Variants in RBFOX1 observed in about 807,000 individuals in gnomAD.
The protein encoded by RBFOX1 is RNA binding fox-1 homolog 1, also known as RNA binding protein fox-1 homolog 1.
RBFOX1 carries 8 observed loss-of-function variants against 57.7 expected under a neutral mutation model. The ratio of observed to expected loss-of-function variants is 0.14; its 90% CI spans 0.08 to 0.25. The LOEUF is 0.25. RBFOX1 is among the 10% of genes least tolerant of loss of function. The pLI is 1.00. For missense variants in RBFOX1, 611 were observed against 548.5 expected (o/e 1.11, Z -1.14); for synonymous variants, 326 against 222.4 (o/e 1.47, Z -4.15).
chr16:5,381,073 A>G (rs752617040), intron 1 of RBFOX1, among the ~76,000 whole-genome samples: 1 of 152,198 alleles, frequency 6.6e-6, no homozygotes, highest in South Asian at 2.1e-4. Context: ...CATTTACACC[A>G]TAGTGTGAAA....
rs544681193 is a variant in RBFOX1, at chr16:5,651,155, C to T, written c.318+52194C>T. Among the ~76,000 whole-genome samples the T allele has an allele frequency of 2.3e-4, 33 of 143,694 alleles. No homozygotes were observed. In the South Asian group the frequency reaches 4.3e-3, roughly 19 times the overall value. The allele number at this position is 143,694 out of a possible 152,430, so 94.3% of individuals were successfully genotyped here. On this transcript the variant is annotated intron_variant, in intron 3 of 19. Coordinates refer to the RBFOX1 transcript ENST00000641259. ...GCAACCTCTGCCTCCTGGGTTCAAGCGATTCTCCTGCTTCAGCCTCCTGAG... is the reference window on the plus strand; with the variant it reads ...GCAACCTCTGCCTCCTGGGTTCAAGTGATTCTCCTGCTTCAGCCTCCTGAG...
intron 2 of RBFOX1, among the ~76,000 whole-genome samples, chr16:6,363,648 C>G (rs1198686405): frequency 6.6e-6 from 1 of 152,152 alleles, no homozygotes; most frequent in Admixed American, 6.5e-5. Context: ...AGACTAAATA[C>G]CATTTTTTAA....
chr16:7,438,071 G>C (rs1484162683), intron 4 of RBFOX1, among the ~76,000 whole-genome samples: 2 of 152,146 alleles, frequency 1.3e-5, no homozygotes, highest in Non-Finnish European at 2.9e-5. Flanking sequence ...ATAGTTCTGA[G>C]ATGGGACTTG....
chr16:5,829,333 C>A (rs1213242335), intron 3 of RBFOX1, among the ~76,000 whole-genome samples: 2 of 152,096 alleles, frequency 1.3e-5, no homozygotes, highest in African/African-American at 4.8e-5. Flanking sequence ...ATGAGCTATG[C>A]ATTTTGAAAA....
intron 3 of RBFOX1, among the ~76,000 whole-genome samples, chr16:7,006,355 A>C (rs753284618): frequency 1.3e-5 from 2 of 152,056 alleles, no homozygotes; most frequent in Non-Finnish European, 1.5e-5. Context: ...GGGTTTTATC[A>C]TGTTGGCCAG....
chr16:7,645,735 T>A (rs1475480885), intron 11 of RBFOX1, among the ~76,000 whole-genome samples: 1 of 152,210 alleles, frequency 6.6e-6, no homozygotes, highest in Non-Finnish European at 1.5e-5. Context: ...TAGAAGAAAC[T>A]GTTTGTCCAA....
intron 3 of RBFOX1, among the ~76,000 whole-genome samples, chr16:6,863,873 T>G (rs1231318211): frequency 6.6e-6 from 1 of 151,736 alleles, no homozygotes; most frequent in Non-Finnish European, 1.5e-5. Flanking sequence ...TTACTGGTAT[T>G]TTGAATGTTT....
chr16:6,626,753 C>G (rs1032155026), intron 2 of RBFOX1, among the ~76,000 whole-genome samples: 1 of 150,976 alleles, frequency 6.6e-6, no homozygotes, highest in Non-Finnish European at 1.5e-5. Context: ...GAGTGAGACT[C>G]CATCTTAATA....
intron 2 of RBFOX1, among the ~76,000 whole-genome samples, chr16:6,478,427 ATAT>A (rs1358119331): frequency 4.7e-4 from 6 of 12,716 alleles, no homozygotes; most frequent in Admixed American, 1.5e-3. Context: ...ATATATATAT[ATAT>A]TTTTTTTTTT....
At chr16:7,108,069 G>T (rs1210039288) in intron 4 of RBFOX1, among the ~76,000 whole-genome samples, 2 of 152,152 alleles carry the variant, frequency 1.3e-5, no homozygotes, top group Non-Finnish European at 2.9e-5. Flanking sequence ...CAAAGATGCT[G>T]CTTCATCGTT....
intron 3 of RBFOX1, among the ~76,000 whole-genome samples, chr16:6,859,119 A>ATATGTATATATATATATG (rs1555536657): frequency 1.2e-5 from 1 of 82,212 alleles, no homozygotes; most frequent in Non-Finnish European, 2.0e-5. Context: ...GTGTATATAT[A>ATATGTATATATATATATG]TATATATATA....
At chr16:5,640,189 C>A (rs868767717) in intron 3 of RBFOX1, among the ~76,000 whole-genome samples, 7 of 152,150 alleles carry the variant, frequency 4.6e-5, no homozygotes, top group Non-Finnish European at 8.8e-5. Flanking sequence ...GACAGCATTG[C>A]TCTCTGGAGG....
chr16:6,204,644 A>G (rs1048834256), intron 1 of RBFOX1, among the ~76,000 whole-genome samples: 1 of 152,190 alleles, frequency 6.6e-6, no homozygotes, highest in Admixed American at 6.5e-5. Flanking sequence ...GCACATATAC[A>G]GTGTCCTTAA....
At chr16:7,389,515 A>G (rs925138892) in intron 4 of RBFOX1, among the ~76,000 whole-genome samples, 6 of 152,198 alleles carry the variant, frequency 3.9e-5, no homozygotes, top group African/African-American at 1.4e-4. Flanking sequence ...TCCAGGACCA[A>G]AGATATCATT....
intron 3 of RBFOX1, among the ~76,000 whole-genome samples, chr16:6,859,847 T>C (rs1482216608): frequency 6.6e-6 from 1 of 152,196 alleles, no homozygotes; most frequent in African/African-American, 2.4e-5. Flanking sequence ...ATCACACTTT[T>C]GAGTATTCAG....
chr16:6,459,984 C>CAAAAAAAAAAAAAAAAAAAAAAA (rs149424076), intron 2 of RBFOX1, among the ~76,000 whole-genome samples: 4 of 47,684 alleles, frequency 8.4e-5, no homozygotes, highest in Non-Finnish European at 1.2e-4. Flanking sequence ...AACTCCATCT[C>CAAAAAAAAAAAAAAAAAAAAAAA]AAAAAAAAAA....
chr16:7,153,544 G>A (rs1195953079), intron 4 of RBFOX1, among the ~76,000 whole-genome samples: 1 of 151,576 alleles, frequency 6.6e-6, no homozygotes, highest in Non-Finnish European at 1.5e-5. Flanking sequence ...AGACCATCCT[G>A]GCCAAATAGT....
rs113589588 is a variant in RBFOX1, at chr16:5,391,745, A to G, written c.220-75471A>G. 2.0e-3 allele frequency among the ~76,000 whole-genome samples: 301 copies of G among 151,960 alleles called. 1 individual carries two copies. The highest frequency in any genetic ancestry group is 3.4e-3 in the Non-Finnish European group (231 of 67,972). On this transcript the variant is annotated intron_variant, in intron 1 of 2. Coordinates refer to the RBFOX1 transcript ENST00000585867. ...CCCTTCTGTATGTGTCTGTTTTCATATCTAGATTTCCTTTCTTAAAAGAAG... is the reference window on the plus strand; with the variant it reads ...CCCTTCTGTATGTGTCTGTTTTCATGTCTAGATTTCCTTTCTTAAAAGAAG...
intron 2 of RBFOX1, among the ~76,000 whole-genome samples, chr16:6,403,525 G>A (rs2093161192): frequency 6.6e-6 from 1 of 151,914 alleles, no homozygotes; most frequent in Non-Finnish European, 1.5e-5. Flanking sequence ...CACTACAGTT[G>A]CCTAATTTTT....
Sources: gnomAD v4.1 joint callset for allele counts (sites outside exome capture counted in the v4.1 genomes callset) on GRCh38, gnomAD v4.1.1 for gene constraint, MANE v1.5 for transcripts, NCBI Gene and HGNC (gene_info 2026-07-23, HGNC 2026-07-21) for gene names.